STOM: variants seen among roughly 807,000 people sequenced by gnomAD.
The protein encoded by STOM is stomatin.
A neutral mutation model predicts 30.6 loss-of-function variants in STOM; 25 were observed. The observed-to-expected ratio is 0.82, with a 90% CI of 0.60 to 1.14. The LOEUF (loss-of-function observed/expected upper bound fraction) is 1.14. Among genes scored for constraint, STOM ranks in the 50% most tolerant of loss-of-function variants. The pLI is 0.00. For synonymous variants in STOM, 118 were observed against 130.8 expected, an observed-to-expected ratio of 0.90 and a Z score of 0.67; for missense variants, 292 against 365.2, an observed-to-expected ratio of 0.80 and a Z score of 1.63.
intron 4 of STOM, among the ~76,000 whole-genome samples, chr9:121,349,836 T>G (rs952146043): frequency 3.9e-5 from 6 of 152,346 alleles, no homozygotes; most frequent in African/African-American, 1.4e-4. Flanking sequence ...CATCAAAACA[T>G]ATTTTACAGC....
intron 4 of STOM, among the ~76,000 whole-genome samples, chr9:121,350,634 T>A (rs1234144233): frequency 6.6e-6 from 1 of 152,218 alleles, no homozygotes; most frequent in African/African-American, 2.4e-5. Context: ...TAGCAAGGTT[T>A]TTAACCCATT....
chr9:121,347,606 C>T (rs563952717), intron 6 of STOM, among the ~76,000 whole-genome samples: 3 of 152,160 alleles, frequency 2.0e-5, no homozygotes, highest in East Asian at 1.9e-4. Context: ...CCACTTGCTC[C>T]GAAGTTGGAA....
At chr9:121,348,273 C>G in intron 5 of STOM, 124 bp from the exon 6 acceptor site, 2 of 1,351,840 alleles carry the variant, frequency 1.5e-6, no homozygotes, top group Non-Finnish European at 2.0e-6. Flanking sequence ...ACAGTTACCC[C>G]ACGGTGGAAC....
In STOM at chr9:121,354,621, T is replaced by C. The variant is rs1229577657; in HGVS notation, c.218A>G (p.Gln73Arg). ...AIIFRLGRILQGGAKGPGLFF... is the reference protein window; with the variant it reads ...AIIFRLGRILRGGAKGPGLFF... ...CTGACCAGGTCCTTTGGCTCCTCCT[T>C]GTAAAATGCGACCCAATCTAAAGAT... The change falls in exon 3 of 7, where the codon CAA (glutamine) becomes CGA (arginine). Residue 73 changes from glutamine to arginine, a missense_variant. By Grantham distance (43) the Gln-to-Arg change is conservative. Coordinates refer to ENST00000286713, the MANE Select transcript of STOM (RefSeq NM_004099.6). 6.2e-7 allele frequency: 1 copy of C among 1,612,614 alleles called. No homozygotes were observed. Among genetic ancestry groups the C allele is most frequent in the South Asian group, 1.1e-5 (1 of 90,808 alleles).
intron 3 of STOM, among the ~76,000 whole-genome samples, 193 bp downstream of exon 3, chr9:121,354,408 G>T (rs1174367455): frequency 6.6e-6 from 1 of 151,608 alleles, no homozygotes; most frequent in Non-Finnish European, 1.5e-5. Context: ...TAATCCTAGT[G>T]CTTTGGGAAG....
At chr9:121,345,645 T>C (rs554587976) in intron 6 of STOM, among the ~76,000 whole-genome samples, 3 of 152,354 alleles carry the variant, frequency 2.0e-5, no homozygotes, top group East Asian at 3.9e-4. Context: ...CCCAGGTTCA[T>C]GAGACTGCTT....
At chr9:121,357,072 A>C (rs142411560) in intron 1 of STOM, among the ~76,000 whole-genome samples, 285 of 152,334 alleles carry the variant, frequency 1.9e-3, no homozygotes, top group African/African-American at 6.6e-3. Flanking sequence ...TGAAAACCAT[A>C]TGATATGAGT....
Position 121,355,564 on chromosome 9 carries a change from T to C in STOM, c.165+489A>G, listed in dbSNP as rs75698285. 4.2e-3 allele frequency among the ~76,000 whole-genome samples: 642 copies of C among 152,304 alleles called. 4 individuals are homozygous for C. The highest frequency in any genetic ancestry group is 0.015 in the African/African-American group (612 of 41,552). On this transcript the variant is annotated intron_variant, in intron 2 of 6. Transcript: ENST00000286713. ...TCATATATCAAAGTATTAACAACTT[T>C]GTAGAAAAAATAACGAGCACTGAGG...
chr9:121,370,076 T>C (rs1386878252), intron 1 of STOM, 51 bp downstream of exon 1: 5 of 1,487,464 alleles, frequency 3.4e-6, no homozygotes, highest in Non-Finnish European at 4.5e-6. Context: ...GAGCGCACGC[T>C]GCGGGCGGGG....
intron 4 of STOM, among the ~76,000 whole-genome samples, chr9:121,349,742 G>C (rs902760893): frequency 1.3e-5 from 2 of 152,166 alleles, no homozygotes; most frequent in African/African-American, 4.8e-5. Context: ...AGGCACTAGA[G>C]AGTCAAGGTT....
At chr9:121,343,492 C>T (rs1029176050) in intron 6 of STOM, among the ~76,000 whole-genome samples, 8 of 152,254 alleles carry the variant, frequency 5.3e-5, no homozygotes, top group African/African-American at 1.7e-4. Context: ...TAAATGCTGA[C>T]AGACATATGT....
At chr9:121,349,353 T>C in intron 4 of STOM, 30 bp from the exon 5 acceptor site, 1 of 1,600,162 alleles carries the variant, frequency 6.2e-7, no homozygotes, top group Non-Finnish European at 8.6e-7. Context: ...ATTTTACATC[T>C]GTCAACGACT....
Position 121,340,328 on chromosome 9 carries a change from A to G in STOM, c.*874T>C, listed in dbSNP as rs1299994572. On this transcript the variant is annotated 3_prime_UTR_variant, in exon 7 of 7. Coordinates refer to ENST00000286713, the MANE Select transcript of STOM (RefSeq NM_004099.6). Reference sequence around the variant, plus strand: ...GTAATCTTTTTCATTAGTCTTGGCTATTTCCTCTAGTTCTGACAAGTACAG... The same window carrying G: ...GTAATCTTTTTCATTAGTCTTGGCTGTTTCCTCTAGTTCTGACAAGTACAG... 1 of 985,416 alleles carries G rather than the reference A, an allele frequency of 1.0e-6. No homozygotes were observed. The highest frequency in any genetic ancestry group is 1.2e-6 in the Non-Finnish European group (1 of 829,914). 61.0% of individuals were successfully genotyped at this position (985,416 alleles called of 1,614,324 possible). A position where few individuals can be genotyped will look rare whatever the true frequency, so the allele number is the denominator to read the frequency against.
rs193007227 is a variant in STOM, at chr9:121,348,911, A to T, written c.525+209T>A. On this transcript the variant is annotated intron_variant, in intron 5 of 6. Coordinates refer to ENST00000286713, the MANE Select transcript of STOM (RefSeq NM_004099.6). ...AAAAATACACACTGAAGAAAATTTTAAAAAAATGTACGCATGAGTGTTATG... is the reference window on the plus strand; with the variant it reads ...AAAAATACACACTGAAGAAAATTTTTAAAAAATGTACGCATGAGTGTTATG... 5.7e-3 allele frequency among the ~76,000 whole-genome samples: 864 copies of T among 152,286 alleles called. 5 individuals are homozygous for T. The highest frequency in any genetic ancestry group is 0.019 in the African/African-American group (808 of 41,556).
At chr9:121,362,866 G>C (rs545391225) in intron 1 of STOM, among the ~76,000 whole-genome samples, 1 of 152,282 alleles carries the variant, frequency 6.6e-6, no homozygotes, top group South Asian at 2.1e-4. Context: ...TAAGTTTCTG[G>C]AAAGGCAGTT....
rs2064552626 is a variant in STOM at position 121,370,205 on chromosome 9, C to T, written c.-18G>A. On this transcript the variant is annotated 5_prime_UTR_variant, in exon 1 of 7. Transcript: ENST00000286713. Reference sequence around the variant, plus strand: ...TCGGCCATGCTGCCCGAGACGCAGTCGCACTCCCCCGTCCTCGTTGCCAAA... The same window carrying T: ...TCGGCCATGCTGCCCGAGACGCAGTTGCACTCCCCCGTCCTCGTTGCCAAA... 3 of 1,545,432 alleles carry T rather than the reference C, an allele frequency of 1.9e-6. No homozygotes were observed. Among genetic ancestry groups the T allele is most frequent in the Non-Finnish European group, 1.7e-6 (2 of 1,145,206 alleles).
At position 121,349,214 on chromosome 9, in the gene STOM, C is replaced by G; in HGVS notation, c.431G>C (p.Arg144Pro). 1 of 1,614,136 alleles carries G rather than the reference C, an allele frequency of 6.2e-7. No individual in the cohort carries two copies. The highest frequency in any genetic ancestry group is 8.5e-7 in the Non-Finnish European group (1 of 1,180,018). Residue 144 changes from arginine to proline, a missense_variant, in exon 5 of 7, where the codon CGT (arginine) becomes CCT (proline). By Grantham distance (103) the Arg-to-Pro change is moderately radical. Coordinates refer to ENST00000286713, the MANE Select transcript of STOM (RefSeq NM_004099.6). ...ANITNADSAT[R>P]LLAQTTLRNV... ...CCTCAGAGTAGTTTGTGCCAAAAGACGGGTTGCTGAGTCAGCGTTGGTGAT... is the reference window on the plus strand; with the variant it reads ...CCTCAGAGTAGTTTGTGCCAAAAGAGGGGTTGCTGAGTCAGCGTTGGTGAT...
Position 121,340,231 on chromosome 9 carries a change from TAA to T in STOM, c.*969_*970del, listed in dbSNP as rs113274084. On this transcript the variant is annotated 3_prime_UTR_variant, in exon 7 of 7. Transcript: ENST00000286713. Reference sequence around the variant, plus strand: ...CATTTACTCATAAAGAAGGCTCAAATAAGTTAAAACATGGATGTATTTTTAAA... The same window carrying T: ...CATTTACTCATAAAGAAGGCTCAAATGTTAAAACATGGATGTATTTTTAAA... 47 of 985,404 alleles carry T rather than the reference TAA, an allele frequency of 4.8e-5. No homozygotes were observed. The African/African-American group carries it at 6.1e-4, about 13-fold the overall frequency. The allele number at this position is 985,404 out of a possible 1,614,324, so 61.0% of individuals were successfully genotyped here. A position where few individuals can be genotyped will look rare whatever the true frequency, so the allele number is the denominator to read the frequency against.
chr9:121,349,001 G>GAA, intron 5 of STOM, 119 bp downstream of exon 5: 8 of 1,163,528 alleles, frequency 6.9e-6, no homozygotes, highest in Non-Finnish European at 7.1e-6. Flanking sequence ...TTACTATGAA[G>GAA]AAAAAAAAAC....
Sources: allele counts gnomAD v4.1 joint callset (sites outside exome capture counted in the v4.1 genomes callset), GRCh38; gene constraint gnomAD v4.1.1; transcripts MANE v1.5; gene names NCBI Gene and HGNC (gene_info 2026-07-23, HGNC 2026-07-21).